Variants in LRRC74A observed in about 807,000 individuals in gnomAD.
LRRC74A encodes the protein leucine rich repeat containing 74A.
In LRRC74A, 44 loss-of-function variants were observed where a neutral mutation model predicts 57.9. The observed-to-expected ratio is 0.76, with a 90% CI of 0.60 to 0.98. The LOEUF (loss-of-function observed/expected upper bound fraction) is 0.98. LRRC74A is among the 50% of genes least tolerant of loss of function. The pLI, the probability that LRRC74A is intolerant of heterozygous loss-of-function variation, is 0.00. For missense variants in LRRC74A, 572 were observed against 574.0 expected (o/e 1.00, Z 0.04); for synonymous variants, 211 against 219.4 (o/e 0.96, Z 0.34).
intron 6 of LRRC74A, 135 bp downstream of exon 6, chr14:76,844,607 A>G: frequency 1.1e-6 from 1 of 907,460 alleles, no homozygotes. Context: ...AGACCCTGCC[A>G]ACCCCAACAA....
In LRRC74A at chr14:76,852,347, A is replaced by G; in HGVS notation, c.677-18A>G. ...CTGGGCTGTGGGAGATGCTAAGCCG[A>G]TTCCCTCCCTGTTTCAGCCATCAAC... On this transcript the variant is annotated intron_variant, in intron 7 of 13. Transcript: ENST00000689127. The G allele has an allele frequency of 1.3e-6, 2 of 1,587,414 alleles. No individual in the cohort carries two copies. The highest frequency in any genetic ancestry group is 1.7e-6 in the Non-Finnish European group (2 of 1,158,672).
chr14:76,845,371 G>A (rs1027025730), intron 7 of LRRC74A, among the ~76,000 whole-genome samples: 1 of 151,430 alleles, frequency 6.6e-6, no homozygotes, highest in Non-Finnish European at 1.5e-5. Flanking sequence ...GAAGGGAAGG[G>A]GAAGAGGGAG....
intron 3 of LRRC74A, among the ~76,000 whole-genome samples, chr14:76,835,919 G>T (rs1566719047): frequency 6.6e-6 from 1 of 151,988 alleles, no homozygotes; most frequent in Non-Finnish European, 1.5e-5. Context: ...GTCCCCTTAG[G>T]GCTAAATAGT....
intron 5 of LRRC74A, among the ~76,000 whole-genome samples, chr14:76,843,361 T>G (rs1331065101): frequency 6.6e-6 from 1 of 152,074 alleles, no homozygotes; most frequent in Non-Finnish European, 1.5e-5. Context: ...AATTTTGGTT[T>G]TTTAAAATGT....
At chr14:76,862,655 G>A (rs531293448) in intron 11 of LRRC74A, among the ~76,000 whole-genome samples, 7 of 152,318 alleles carry the variant, frequency 4.6e-5, no homozygotes, top group Admixed American at 6.5e-5. Context: ...ATGACTTCTT[G>A]GAAGAGATGG....
At chr14:76,841,855 G>A (rs930314419) in intron 5 of LRRC74A, among the ~76,000 whole-genome samples, 3 of 151,944 alleles carry the variant, frequency 2.0e-5, no homozygotes, top group Non-Finnish European at 4.4e-5. Flanking sequence ...TGAGATTACA[G>A]GCATGTGCCA....
chr14:76,858,236 A>C (rs1358859967), intron 10 of LRRC74A, among the ~76,000 whole-genome samples: 1 of 152,190 alleles, frequency 6.6e-6, no homozygotes, highest in East Asian at 1.9e-4. Flanking sequence ...AGGTGTCAGC[A>C]GGCCTGATTC....
rs1895575552 is a variant in LRRC74A, at chr14:76,826,436, A to G, written c.-262A>G. On this transcript the variant is annotated 5_prime_UTR_variant, in exon 1 of 14. Coordinates refer to ENST00000689127, the MANE Select transcript of LRRC74A (RefSeq NM_001385106.1). ...GGGCTCCCAGCAATAGAGCAGTCCC[A>G]CTCTCCCAGATGAGCTGGAGAAGTA... 3 of 1,303,224 alleles carry G rather than the reference A, an allele frequency of 2.3e-6. No homozygotes were observed. The highest frequency in any genetic ancestry group is 1.5e-5 in the African/African-American group (1 of 67,940). 80.7% of individuals were successfully genotyped at this position (1,303,224 alleles called of 1,614,324 possible). A position where few individuals can be genotyped will look rare whatever the true frequency, so the allele number is the denominator to read the frequency against.
In LRRC74A at chr14:76,860,737, G is replaced by A. The variant is rs1386758089; in HGVS notation, c.1098G>A (p.Val366=). The A allele has an allele frequency of 3.7e-6, 6 of 1,612,136 alleles. No individual in the cohort carries two copies. The highest frequency in any genetic ancestry group is 2.2e-5 in the South Asian group (2 of 90,896). Residue 366 remains valine (V), a synonymous_variant, in exon 11 of 14, where the codon GTG becomes GTA. Transcript: ENST00000689127. The stretch of plus-strand genomic sequence containing the variant: ...AGTTCATGAAAACGTTGGACGGAGT[G>A]TATGCCGTTCACCCGCAGCTGGACG... ...SEQFMKTLDG[V]YAVHPQLDVV...
intron 7 of LRRC74A, among the ~76,000 whole-genome samples, chr14:76,845,687 G>A (rs1394288035): frequency 6.6e-6 from 1 of 152,172 alleles, no homozygotes; most frequent in Admixed American, 6.5e-5. Flanking sequence ...TTTGAAACAT[G>A]CATATGATAA....
chr14:76,853,288 G>T lies in LRRC74A; in HGVS notation c.835G>T (p.Glu279Ter). 1 of 1,613,520 alleles carries T rather than the reference G, an allele frequency of 6.2e-7. No homozygotes were observed. The highest frequency in any genetic ancestry group is 8.5e-7 in the Non-Finnish European group (1 of 1,179,526). Reference protein sequence around the residue: ...FGNEVALALGEVLRLNRCLVY... With the variant: ...FGNEVALALG ...GAATGAGGTGGCTCTGGCCCTAGGG[G>T]AAGTCCTCCGACTCAACCGCTGCCT... The change falls in exon 9 of 14, where the codon GAA becomes TAA. Residue 279 changes from glutamate to a stop codon, truncating the protein, a stop_gained. Coordinates refer to ENST00000689127, the MANE Select transcript of LRRC74A (RefSeq NM_001385106.1). LOFTEE classifies it high-confidence loss of function.
At chr14:76,852,509 A>G in intron 8 of LRRC74A, 59 bp downstream of exon 8, 4 of 1,302,682 alleles carry the variant, frequency 3.1e-6, no homozygotes, top group Non-Finnish European at 4.3e-6. Flanking sequence ...AGGGCCTCCC[A>G]TCCTGCCATC....
At chr14:76,864,547 CA>C (rs1386417024) in intron 11 of LRRC74A, among the ~76,000 whole-genome samples, 1 of 151,928 alleles carries the variant, frequency 6.6e-6, no homozygotes, top group East Asian at 1.9e-4. Context: ...TAAAAAGGAC[CA>C]AAAAGAATAT....
chr14:76,836,149 A>G (rs1036833138), intron 3 of LRRC74A, 58 bp from the exon 4 acceptor site: 235 of 1,287,252 alleles, frequency 1.8e-4, no homozygotes, highest in Non-Finnish European at 2.5e-4. Context: ...CGAGCAGGGA[A>G]CTGACTGGGT....
In LRRC74A at chr14:76,837,488, C is replaced by T. The variant is rs375230838; in HGVS notation, c.448-387C>T. Among the ~76,000 whole-genome samples, 16 of 152,316 alleles carry T rather than the reference C, an allele frequency of 1.1e-4. 1 individual carries two copies. The East Asian group carries it at 1.9e-3, about 18-fold the overall frequency. ...ATGAGTAGAATTTACAATGATTATG[C>T]ACTCTAAACTCATTTTTCACTGTTT... On this transcript the variant is annotated intron_variant, in intron 4 of 13. Coordinates refer to ENST00000689127, the MANE Select transcript of LRRC74A (RefSeq NM_001385106.1).
chr14:76,844,982 C>T, intron 7 of LRRC74A, 81 bp downstream of exon 7: 1 of 739,526 alleles, frequency 1.4e-6, no homozygotes, highest in Non-Finnish European at 2.3e-6. Flanking sequence ...CCCTTTTAAA[C>T]ATGATTTTTA....
At chr14:76,864,482 A>G (rs1373094697) in intron 11 of LRRC74A, among the ~76,000 whole-genome samples, 1 of 151,874 alleles carries the variant, frequency 6.6e-6, no homozygotes, top group East Asian at 1.9e-4. Context: ...AAAAGGACCC[A>G]AAAGAATACT....
rs571224996 is a variant in LRRC74A, at chr14:76,870,301, G to A, written c.*152G>A. On this transcript the variant is annotated 3_prime_UTR_variant, in exon 14 of 14. Coordinates refer to ENST00000689127, the MANE Select transcript of LRRC74A (RefSeq NM_001385106.1). ...GCAAATAAAGTCTGGCTTGGTTCTG[G>A]GTGTCTTGGGCTGCTGGTGGTGTGC... 11 of 836,010 alleles carry A rather than the reference G, an allele frequency of 1.3e-5. No homozygotes were observed. The African/African-American group carries it at 1.9e-4, about 14-fold the overall frequency. The allele number at this position is 836,010 out of a possible 1,614,324, so 51.8% of individuals were successfully genotyped here.
chr14:76,862,083 T>G (rs1056281396), intron 11 of LRRC74A, among the ~76,000 whole-genome samples: 3 of 152,190 alleles, frequency 2.0e-5, no homozygotes, highest in African/African-American at 7.2e-5. Flanking sequence ...AGCTGTCTGA[T>G]GCAAAGTGGG....
Sources: allele counts gnomAD v4.1 joint callset (sites outside exome capture counted in the v4.1 genomes callset), GRCh38; gene constraint gnomAD v4.1.1; transcripts MANE v1.5; gene names NCBI Gene and HGNC (gene_info 2026-07-23, HGNC 2026-07-21).